The following SNTB1 variants were observed in gnomAD, a reference collection of about 807,000 sequenced individuals.
SNTB1 encodes the protein beta-1-syntrophin.
Under a neutral mutation model 48.9 loss-of-function variants are expected in SNTB1, and 36 were observed. The ratio of observed to expected loss-of-function variants is 0.74; its 90% CI spans 0.56 to 0.97. The LOEUF is 0.97. SNTB1 is among the 50% of genes least tolerant of loss of function. The pLI is 0.00. For synonymous variants in SNTB1, 299 were observed against 294.6 expected (o/e 1.01, Z -0.15); for missense variants, 786 against 703.4 (o/e 1.12, Z -1.33).
At chr8:120,689,872 G>A (rs947643278) in intron 2 of SNTB1, among the ~76,000 whole-genome samples, 1 of 152,166 alleles carries the variant, frequency 6.6e-6, no homozygotes, top group Non-Finnish European at 1.5e-5. Flanking sequence ...TTTGTGACCT[G>A]ATCTGTGGTT....
At chr8:120,647,540 A>G (rs1817320359) in intron 2 of SNTB1, among the ~76,000 whole-genome samples, 2 of 149,206 alleles carry the variant, frequency 1.3e-5, no homozygotes, top group Non-Finnish European at 1.5e-5. Flanking sequence ...ATAGTTTGTT[A>G]TAATTTCTGT....
At chr8:120,667,771 T>G (rs1459288104) in intron 2 of SNTB1, among the ~76,000 whole-genome samples, 1 of 152,198 alleles carries the variant, frequency 6.6e-6, no homozygotes, top group Non-Finnish European at 1.5e-5. Flanking sequence ...ACACAGTTAT[T>G]TGGAAACCAT....
intron 1 of SNTB1, among the ~76,000 whole-genome samples, chr8:120,697,291 T>A (rs1036618019): frequency 3.3e-5 from 5 of 152,214 alleles, no homozygotes; most frequent in African/African-American, 1.2e-4. Flanking sequence ...GGGAGTAATA[T>A]TCTGCATATA....
At position 120,632,426 on chromosome 8, in the gene SNTB1, G is replaced by A; in HGVS notation, c.996+18C>T. The A allele has an allele frequency of 6.2e-7, 1 of 1,607,020 alleles. No homozygotes were observed. On this transcript the variant is annotated intron_variant, in intron 3 of 6. Coordinates refer to ENST00000517992, the MANE Select transcript of SNTB1 (RefSeq NM_021021.4). ...TCTCGGGGAGGACGACTATTACAGA[G>A]GAAGGTATTTTCCTTACCTTTTCTG...
intron 2 of SNTB1, among the ~76,000 whole-genome samples, chr8:120,655,337 A>C (rs1420183300): frequency 2.0e-5 from 3 of 152,252 alleles, no homozygotes; most frequent in Non-Finnish European, 2.9e-5. Context: ...TAAAAGAAAG[A>C]GGTAAAAAGA....
intron 1 of SNTB1, among the ~76,000 whole-genome samples, chr8:120,801,365 T>G (rs1186297689): frequency 6.6e-6 from 1 of 152,092 alleles, no homozygotes; most frequent in Non-Finnish European, 1.5e-5. Context: ...TCTCTGGTCA[T>G]TCTGTAAGTT....
At chr8:120,584,646 T>C (rs11996676) in intron 3 of SNTB1, among the ~76,000 whole-genome samples, 5,956 of 152,078 alleles carry the variant, frequency 0.039, 419 homozygotes, top group African/African-American at 0.13. Context: ...TGAGCCTTAT[T>C]GTGGGTTAAA....
chr8:120,655,787 C>G (rs924077877), intron 2 of SNTB1, among the ~76,000 whole-genome samples: 2 of 152,194 alleles, frequency 1.3e-5, no homozygotes, highest in Non-Finnish European at 2.9e-5. Flanking sequence ...CCTTGTTGCT[C>G]AAGGACAGAA....
chr8:120,585,652 C>T (rs1816127201), intron 3 of SNTB1, among the ~76,000 whole-genome samples: 1 of 152,188 alleles, frequency 6.6e-6, no homozygotes, highest in Non-Finnish European at 1.5e-5. Flanking sequence ...GTAAATGAAA[C>T]ATAGTCTGTT....
chr8:120,800,871 C>G (rs1820214699), intron 1 of SNTB1, among the ~76,000 whole-genome samples: 1 of 151,122 alleles, frequency 6.6e-6, no homozygotes, highest in Admixed American at 6.6e-5. Context: ...GCTAATAATG[C>G]CTAGAATTGA....
At chr8:120,637,337 C>T (rs1817098769) in intron 2 of SNTB1, 2 of 268,752 alleles carry the variant, frequency 7.4e-6, no homozygotes, top group South Asian at 5.9e-5. Context: ...TACCTCACTA[C>T]CTAAGAAATC....
chr8:120,584,032 GGTCTGGCGTGGT>G (rs1353509208), intron 3 of SNTB1, among the ~76,000 whole-genome samples: 5 of 152,176 alleles, frequency 3.3e-5, no homozygotes, highest in Non-Finnish European at 7.3e-5. Flanking sequence ...ACACTCAGCA[GGTCTGGCGTGGT>G]GGCTCACGCT....
intron 4 of SNTB1, among the ~76,000 whole-genome samples, chr8:120,564,210 T>C (rs1815711029): frequency 6.6e-6 from 1 of 152,080 alleles, no homozygotes; most frequent in African/African-American, 2.4e-5. Context: ...CCAAGGTGAC[T>C]GTATTTGAGA....
At chr8:120,575,989 T>C (rs1815944623) in intron 3 of SNTB1, among the ~76,000 whole-genome samples, 1 of 152,182 alleles carries the variant, frequency 6.6e-6, no homozygotes. Context: ...CCTCTGTCTA[T>C]AAAAATGCTC....
chr8:120,802,184 A>G lies in SNTB1; in HGVS notation c.571+9089T>C, dbSNP rs533759947. Among the ~76,000 whole-genome samples, 20 of 152,294 alleles carry G rather than the reference A, an allele frequency of 1.3e-4. No individual in the cohort carries two copies. In the East Asian group the frequency reaches 1.9e-3, roughly 15 times the overall value. On this transcript the variant is annotated intron_variant, in intron 1 of 6. Transcript: ENST00000517992. The stretch of plus-strand genomic sequence containing the variant: ...GGCTTAATAACAATTATGTTATTAC[A>G]TTTATGTAAACTTATAGAAAGAAGT...
chr8:120,717,814 G>T (rs1054482329), intron 1 of SNTB1, among the ~76,000 whole-genome samples: 1 of 152,128 alleles, frequency 6.6e-6, no homozygotes, highest in Non-Finnish European at 1.5e-5. Flanking sequence ...TTAAAGGAAG[G>T]ATCTGCAGGG....
intron 3 of SNTB1, among the ~76,000 whole-genome samples, chr8:120,595,939 T>A (rs1816315170): frequency 6.6e-6 from 1 of 152,192 alleles, no homozygotes; most frequent in African/African-American, 2.4e-5. Context: ...CCAAGAATCC[T>A]CTCTTAGGGT....
Position 120,536,909 on chromosome 8 carries a change from A to G in SNTB1, c.*1968T>C, listed in dbSNP as rs1448791491. ...CTTAGATTACATATTGTTGAATTTA[A>G]CTATTGGCATTAATATATGTATTTT... On this transcript the variant is annotated 3_prime_UTR_variant, in exon 7 of 7. Coordinates refer to ENST00000517992, the MANE Select transcript of SNTB1 (RefSeq NM_021021.4). 1 of 151,058 alleles carries G rather than the reference A, an allele frequency of 6.6e-6. No individual in the cohort carries two copies. Among genetic ancestry groups the G allele is most frequent in the East Asian group, 1.9e-4 (1 of 5,196 alleles). 9.4% of individuals were successfully genotyped at this position (151,058 alleles called of 1,614,324 possible).
At chr8:120,624,517 G>C (rs1398212889) in intron 3 of SNTB1, among the ~76,000 whole-genome samples, 2 of 152,052 alleles carry the variant, frequency 1.3e-5, no homozygotes, top group South Asian at 4.2e-4. Flanking sequence ...TCTCTTAAAG[G>C]TCCCATCAAT....
Sources: allele counts gnomAD v4.1 joint callset (sites outside exome capture counted in the v4.1 genomes callset), GRCh38; gene constraint gnomAD v4.1.1; transcripts MANE v1.5; gene names NCBI Gene and HGNC (gene_info 2026-07-23, HGNC 2026-07-21).